Variants in CIB2 observed in about 807,000 individuals in gnomAD.
The protein encoded by CIB2 is calcium and integrin-binding family member 2.
CIB2 carries 19 observed loss-of-function variants against 23.1 expected under a neutral mutation model. The ratio of observed to expected loss-of-function variants is 0.82; its 90% confidence interval spans 0.57 to 1.21. The LOEUF (loss-of-function observed/expected upper bound fraction) is 1.21. Ranked by LOEUF, CIB2 falls within the 50% of genes most tolerant of loss-of-function variation. The pLI, the probability that CIB2 is intolerant of heterozygous loss-of-function variation, is 0.00. For missense variants in CIB2, 220 were observed against 241.5 expected, an observed-to-expected ratio of 0.91 and a Z score of 0.59; for synonymous variants, 94 against 91.7, an observed-to-expected ratio of 1.03 and a Z score of -0.14.
chr15:78,109,958 C>T (rs1350184592), intron 3 of CIB2, among the ~76,000 whole-genome samples: 1 of 152,162 alleles, frequency 6.6e-6, no homozygotes, highest in African/African-American at 2.4e-5. Flanking sequence ...GCTCTGTCCC[C>T]AGCAGAAGAA....
intron 1 of CIB2, among the ~76,000 whole-genome samples, chr15:78,127,004 G>A (rs889752297): frequency 6.6e-6 from 1 of 152,166 alleles, no homozygotes; most frequent in Non-Finnish European, 1.5e-5. Flanking sequence ...CCTTAGGCAA[G>A]TCATTCTCCT....
intron 4 of CIB2, among the ~76,000 whole-genome samples, chr15:78,108,043 G>A (rs1436846315): frequency 6.6e-6 from 1 of 151,638 alleles, no homozygotes; most frequent in Non-Finnish European, 1.5e-5. Context: ...GTAGTGGCGG[G>A]CACCTGTAAT....
chr15:78,105,989 C>G (rs1274467596), intron 4 of CIB2, 55 bp from the exon 5 acceptor site: 2 of 1,451,320 alleles, frequency 1.4e-6, no homozygotes, highest in African/African-American at 2.8e-5. Flanking sequence ...CCCAGGGACC[C>G]CTACACTATA....
In CIB2 at chr15:78,131,032, G is replaced by A. The variant is rs2074446998; in HGVS notation, c.51+133C>T. The stretch of plus-strand genomic sequence containing the variant: ...GGAAGTCACCGGCCCAAGGTCACGC[G>A]TCGAGCTGAAGGCAGAGGCAGGGTT... On this transcript the variant is annotated intron_variant, in intron 1 of 5. Coordinates refer to ENST00000258930, the MANE Select transcript of CIB2 (RefSeq NM_006383.4). The surrounding 1 kb of genome is among the most constrained non-coding windows in gnomAD (Gnocchi z 5.8). 1 of 639,022 alleles carries A rather than the reference G, an allele frequency of 1.6e-6. No homozygotes were observed. The highest frequency in any genetic ancestry group is 2.5e-6 in the Non-Finnish European group (1 of 406,880). 39.6% of individuals were successfully genotyped at this position (639,022 alleles called of 1,614,324 possible).
At position 78,113,094 on chromosome 15, in the gene CIB2, C is replaced by G. The variant is rs146559571; in HGVS notation, c.87-1818G>C. On this transcript the variant is annotated intron_variant, in intron 2 of 5. Transcript: ENST00000258930. The stretch of plus-strand genomic sequence containing the variant: ...AATCAAGTGTCTTCCCCATCCTACA[C>G]AGCCAATGAGCAGTGGGAACAGGAC... Among the ~76,000 whole-genome samples, 317 of 152,328 alleles carry G rather than the reference C, an allele frequency of 2.1e-3. 3 individuals are homozygous for G. Among genetic ancestry groups the G allele is most frequent in the African/African-American group, 7.4e-3 (307 of 41,574 alleles).
At position 78,105,121 on chromosome 15, in the gene CIB2, G is replaced by C. The variant is rs952717600; in HGVS notation, c.*190C>G. 1.3e-6 allele frequency: 1 copy of C among 745,306 alleles called. No individual in the cohort carries two copies. Among genetic ancestry groups the C allele is most frequent in the African/African-American group, 1.8e-5 (1 of 56,306 alleles). The allele number at this position is 745,306 out of a possible 1,614,324, so 46.2% of individuals were successfully genotyped here. On this transcript the variant is annotated 3_prime_UTR_variant, in exon 6 of 6. Coordinates refer to ENST00000258930, the MANE Select transcript of CIB2 (RefSeq NM_006383.4). ...GGGGCTGGACCACAGCGGGGCTGTG[G>C]GAAGGGTCCTAACCTTCACAGGCCC...
chr15:78,114,697 G>T (rs1300240351), intron 2 of CIB2, among the ~76,000 whole-genome samples: 1 of 151,928 alleles, frequency 6.6e-6, no homozygotes, highest in Non-Finnish European at 1.5e-5. Flanking sequence ...AATGTGCTTT[G>T]GGAGGCCAAA....
chr15:78,121,595 C>T (rs1198693139), intron 2 of CIB2, among the ~76,000 whole-genome samples: 1 of 152,154 alleles, frequency 6.6e-6, no homozygotes, highest in African/African-American at 2.4e-5. Context: ...ATAGTGAGTT[C>T]TCACGAGATC....
rs775705454 is a variant in CIB2 at position 78,111,189 on chromosome 15, G to A, written c.174C>T (p.Leu58=). 6.2e-7 allele frequency: 1 copy of A among 1,614,192 alleles called. No individual in the cohort carries two copies. Among genetic ancestry groups the A allele is most frequent in the South Asian group, 1.1e-5 (1 of 91,086 alleles). The change falls in exon 3 of 6, where the codon CTC becomes CTT. Residue 58 remains leucine (L), a synonymous_variant. Transcript: ENST00000258930. ...KSPIVHVPMS[L]IIQMPELREN... Reference sequence around the variant, plus strand: ...CCCGGAGCTCTGGCATCTGGATGATGAGGCTCATGGGCACGTGGACGATGG... The same window carrying A: ...CCCGGAGCTCTGGCATCTGGATGATAAGGCTCATGGGCACGTGGACGATGG...
chr15:78,109,645 T>G, intron 3 of CIB2: 1 of 506,266 alleles, frequency 2.0e-6, no homozygotes, highest in South Asian at 2.0e-5. Flanking sequence ...TCATGTCACA[T>G]CATTAAGATG....
At chr15:78,110,364 G>A (rs1194892405) in intron 3 of CIB2, among the ~76,000 whole-genome samples, 1 of 152,222 alleles carries the variant, frequency 6.6e-6, no homozygotes, top group East Asian at 1.9e-4. Context: ...GCCCCTTGCT[G>A]GGCCAGACGG....
At chr15:78,128,225 A>G (rs2074407406) in intron 1 of CIB2, among the ~76,000 whole-genome samples, 1 of 152,182 alleles carries the variant, frequency 6.6e-6, no homozygotes, top group African/African-American at 2.4e-5. Flanking sequence ...CCCGTCCCAA[A>G]GAGGTGAGGC....
At chr15:78,113,161 C>CTGGAGCCT (rs2074185063) in intron 2 of CIB2, among the ~76,000 whole-genome samples, 1 of 151,894 alleles carries the variant, frequency 6.6e-6, no homozygotes, top group Non-Finnish European at 1.5e-5. Flanking sequence ...TGGCTCCTCC[C>CTGGAGCCT]TGCAAGTCAA....
At chr15:78,126,935 G>C (rs936929323) in intron 1 of CIB2, among the ~76,000 whole-genome samples, 6 of 152,190 alleles carry the variant, frequency 3.9e-5, no homozygotes, top group African/African-American at 1.4e-4. Context: ...GGGTGGCCTA[G>C]AAGTGTGGCA....
At position 78,131,142 on chromosome 15, in the gene CIB2, G is replaced by A. The variant is rs1484004378; in HGVS notation, c.51+23C>T. On this transcript the variant is annotated intron_variant, in intron 1 of 5. Coordinates refer to ENST00000258930, the MANE Select transcript of CIB2 (RefSeq NM_006383.4). The surrounding 1 kb of genome is among the most constrained non-coding windows in gnomAD (Gnocchi z 5.8). ...CGGCGGGGCGGCGGGGCCTGTGTTG[G>A]GGGCCGGGCGCGCCGAGCTCACCTG... The A allele has an allele frequency of 4.4e-6, 7 of 1,574,544 alleles. No individual in the cohort carries two copies. The highest frequency in any genetic ancestry group is 6.0e-6 in the Non-Finnish European group (7 of 1,161,736).
At position 78,105,318 on chromosome 15, in the gene CIB2, C is replaced by T. The variant is rs1281648597; in HGVS notation, c.557G>A (p.Arg186Gln). 11 of 1,613,922 alleles carry T rather than the reference C, an allele frequency of 6.8e-6. No homozygotes were observed. Among genetic ancestry groups the T allele is most frequent in the Non-Finnish European group, 9.3e-6 (11 of 1,179,964 alleles). Residue 186 changes from arginine to glutamine, a missense_variant, in exon 6 of 6, where the codon CGG becomes CAG. Physicochemically the swap from Arg to Gln is conservative, Grantham distance 43 (BLOSUM62 1). Coordinates refer to ENST00000258930, the MANE Select transcript of CIB2 (RefSeq NM_006383.4). ...ACAGCCTCGGCAGTGTCCTCAGATC[C>T]GGATGTGGAAAGTGCTAGAAAGAGA... is the stretch of plus-strand genomic sequence containing the variant. The part of the protein sequence containing the change: ...APDFLSTFHI[R>Q]I
chr15:78,125,047 G>A (rs1312679904), intron 1 of CIB2, among the ~76,000 whole-genome samples: 1 of 152,168 alleles, frequency 6.6e-6, no homozygotes, highest in East Asian at 1.9e-4. Context: ...AAGGATCCAT[G>A]CTGGCTTCTT....
chr15:78,105,131 TA>T lies in CIB2; in HGVS notation c.*179del. 1.2e-6 allele frequency: 1 copy of T among 839,648 alleles called. No homozygotes were observed. Among genetic ancestry groups the T allele is most frequent in the Non-Finnish European group, 1.8e-6 (1 of 547,920 alleles). 52.0% of individuals were successfully genotyped at this position (839,648 alleles called of 1,614,324 possible). On this transcript the variant is annotated 3_prime_UTR_variant, in exon 6 of 6. Coordinates refer to ENST00000258930, the MANE Select transcript of CIB2 (RefSeq NM_006383.4). ...CACAGCGGGGCTGTGGGAAGGGTCC[TA>T]ACCTTCACAGGCCCCCTTCCTGGTT...
chr15:78,110,428 C>G, intron 3 of CIB2, among the ~76,000 whole-genome samples: 1 of 152,210 alleles, frequency 6.6e-6, no homozygotes, highest in East Asian at 1.9e-4. Flanking sequence ...ACTGAGGTCA[C>G]AACCAGAGTG....
Sources: gnomAD v4.1 joint callset for allele counts (sites outside exome capture counted in the v4.1 genomes callset) on GRCh38, gnomAD v4.1.1 for gene constraint, Gnocchi (gnomAD v3.1) non-coding constraint, MANE v1.5 for transcripts, NCBI Gene and HGNC (gene_info 2026-07-23, HGNC 2026-07-21) for gene names.